The following REC114 variants were observed in gnomAD, a reference collection of about 807,000 sequenced individuals.
The protein encoded by REC114 is meiotic recombination protein REC114.
REC114 carries 27 observed loss-of-function variants against 31.3 expected under a neutral mutation model. That is an observed-to-expected ratio of 0.86 (90% CI 0.64 to 1.19). The LOEUF (loss-of-function observed/expected upper bound fraction) is 1.19, where lower values mean the gene tolerates loss of function less well. Among genes scored for constraint, REC114 ranks in the 50% most tolerant of loss-of-function variants. The pLI is 0.00. For synonymous variants in REC114, 134 were observed against 127.7 expected (o/e 1.05, Z -0.33); for missense variants, 344 against 326.9 (o/e 1.05, Z -0.40).
chr15:73,528,796 C>A (rs560371206), intron 2 of REC114, among the ~76,000 whole-genome samples: 25 of 152,126 alleles, frequency 1.6e-4, no homozygotes, highest in African/African-American at 5.8e-4. Flanking sequence ...AATCAAAATG[C>A]CAAAATATTT....
intron 1 of REC114, among the ~76,000 whole-genome samples, chr15:73,444,100 GAGCCTTC>G (rs1892734685): frequency 6.6e-6 from 1 of 152,214 alleles, no homozygotes; most frequent in Non-Finnish European, 1.5e-5. Flanking sequence ...ACACTCACCT[GAGCCTTC>G]AGCAGGTCAG....
intron 2 of REC114, among the ~76,000 whole-genome samples, chr15:73,481,475 AG>A (rs964865745): frequency 5.3e-5 from 8 of 152,042 alleles, no homozygotes; most frequent in African/African-American, 1.7e-4. Context: ...TATAGCAAGA[AG>A]GCTGAGATAT....
intron 2 of REC114, among the ~76,000 whole-genome samples, chr15:73,503,058 T>C (rs899909263): frequency 1.3e-5 from 2 of 152,260 alleles, no homozygotes; most frequent in Non-Finnish European, 2.9e-5. Flanking sequence ...GCTGTCATGC[T>C]TTGCTGTTGG....
At chr15:73,447,851 A>C (rs1470380666) in intron 1 of REC114, among the ~76,000 whole-genome samples, 1 of 152,052 alleles carries the variant, frequency 6.6e-6, no homozygotes, top group East Asian at 1.9e-4. Context: ...GGTGAGCCGA[A>C]GCAGGGTGGG....
intron 2 of REC114, among the ~76,000 whole-genome samples, chr15:73,508,674 T>G (rs531915063): frequency 0.011 from 1,506 of 141,544 alleles, 10 homozygotes; most frequent in Non-Finnish European, 0.014. Flanking sequence ...AATTCCCACC[T>G]ATGAGTGAGA....
rs771011365 is a variant in REC114, at chr15:73,550,968, A to T, written c.364A>T (p.Ser122Cys). 1.5e-5 allele frequency: 25 copies of T among 1,613,784 alleles called. No homozygotes were observed. Among genetic ancestry groups the T allele is most frequent in the Non-Finnish European group, 2.0e-5 (24 of 1,179,854 alleles). ...GAGTCGCCTGTTTCGAGTACAGTTC[A>T]GTGGAGAGTCAAAGGAGCAGGCGCT... ...DKSRLFRVQF[S>C]GESKEQALEH... is the part of the protein sequence containing the mutation. The change falls in exon 4 of 6, where the codon AGT becomes TGT. Residue 122 changes from serine to cysteine, a missense_variant. By Grantham distance (112) the Ser-to-Cys change is moderately radical. Transcript: ENST00000331090.
At chr15:73,551,632 T>C (rs896524834) in intron 4 of REC114, among the ~76,000 whole-genome samples, 1 of 152,182 alleles carries the variant, frequency 6.6e-6, no homozygotes, top group Non-Finnish European at 1.5e-5. Context: ...AACCCTGCAG[T>C]CTGCAGTACC....
Position 73,443,171 on chromosome 15 carries a change from G to T in REC114, c.-15G>T, listed in dbSNP as rs1892718742. On this transcript the variant is annotated 5_prime_UTR_variant, in exon 1 of 6. Transcript: ENST00000331090. ...TGGCAGGTCCCCGCCGGCAGTGCGT[G>T]TGGTGAGGCAGGACATGGCGGAGGC... The T allele has an allele frequency of 1.9e-6, 3 of 1,550,402 alleles. No homozygotes were observed. Among genetic ancestry groups the T allele is most frequent in the Non-Finnish European group, 2.6e-6 (3 of 1,149,898 alleles).
At chr15:73,448,098 T>C (rs995954034) in intron 1 of REC114, among the ~76,000 whole-genome samples, 6 of 148,542 alleles carry the variant, frequency 4.0e-5, no homozygotes, top group African/African-American at 1.3e-4. Context: ...GGAGTTTGTT[T>C]GTTTTTTTTT....
At chr15:73,488,882 G>A (rs1567867497) in intron 2 of REC114, among the ~76,000 whole-genome samples, 1 of 152,074 alleles carries the variant, frequency 6.6e-6, no homozygotes, top group Non-Finnish European at 1.5e-5. Flanking sequence ...CAGTTTCAGA[G>A]CCACTTCCCC....
chr15:73,516,465 C>T (rs1052548887), intron 2 of REC114, among the ~76,000 whole-genome samples: 5 of 151,670 alleles, frequency 3.3e-5, no homozygotes, highest in Non-Finnish European at 7.4e-5. Context: ...AAAATCAAAG[C>T]CAAGGTATGG....
chr15:73,524,009 G>T lies in REC114; in HGVS notation c.250-16476G>T, dbSNP rs536372030. ...GAAATCAATTGACCTTGTACAAGGG[G>T]TCTTCAAAAAGTTCATAGAAAGTAT... On this transcript the variant is annotated intron_variant, in intron 2 of 5. Coordinates refer to ENST00000331090, the MANE Select transcript of REC114 (RefSeq NM_001042367.2). Among the ~76,000 whole-genome samples the T allele has an allele frequency of 2.6e-5, 4 of 152,244 alleles. No homozygotes were observed. The South Asian group carries it at 8.3e-4, about 32-fold the overall frequency.
intron 2 of REC114, among the ~76,000 whole-genome samples, chr15:73,503,665 G>A (rs1048895276): frequency 2.6e-5 from 4 of 152,094 alleles, no homozygotes; most frequent in African/African-American, 7.2e-5. Context: ...GGGATCTCAT[G>A]TTTTAAAATT....
At chr15:73,549,476 ATGGT>A (rs1894358678) in intron 3 of REC114, among the ~76,000 whole-genome samples, 1 of 152,190 alleles carries the variant, frequency 6.6e-6, no homozygotes, top group Non-Finnish European at 1.5e-5. Context: ...ATACACGAGT[ATGGT>A]TGGATTGTTT....
intron 1 of REC114, among the ~76,000 whole-genome samples, chr15:73,448,342 A>G (rs1247616495): frequency 6.6e-6 from 1 of 152,192 alleles, no homozygotes; most frequent in Non-Finnish European, 1.5e-5. Flanking sequence ...CTGAGGCTTG[A>G]GTAGGTGGTT....
chr15:73,505,410 G>C (rs1056137556), intron 2 of REC114, among the ~76,000 whole-genome samples: 1 of 152,048 alleles, frequency 6.6e-6, no homozygotes, highest in Non-Finnish European at 1.5e-5. Flanking sequence ...CAATTGGCCC[G>C]TATGTAGATT....
At chr15:73,452,502 A>G (rs1595858897) in intron 1 of REC114, among the ~76,000 whole-genome samples, 1 of 152,354 alleles carries the variant, frequency 6.6e-6, no homozygotes, top group East Asian at 1.9e-4. Flanking sequence ...AACAAATGGG[A>G]AAACATTCCA....
chr15:73,453,730 C>G (rs1211439627), intron 1 of REC114, among the ~76,000 whole-genome samples: 1 of 152,086 alleles, frequency 6.6e-6, no homozygotes, highest in Non-Finnish European at 1.5e-5. Flanking sequence ...AAATGCCCAT[C>G]AATGATAGAC....
intron 2 of REC114, among the ~76,000 whole-genome samples, chr15:73,513,818 G>A (rs1230150550): frequency 1.3e-5 from 2 of 151,790 alleles, no homozygotes; most frequent in Non-Finnish European, 2.9e-5. Context: ...ATCTCCAGCT[G>A]CGTGCTGGGA....
Sources: gnomAD v4.1 joint callset for allele counts (sites outside exome capture counted in the v4.1 genomes callset) on GRCh38, gnomAD v4.1.1 for gene constraint, MANE v1.5 for transcripts, NCBI Gene and HGNC (gene_info 2026-07-23, HGNC 2026-07-21) for gene names.